Variants in DLG1 observed in about 807,000 individuals in gnomAD.
DLG1 encodes the protein disks large homolog 1.
A neutral mutation model predicts 123.4 loss-of-function variants in DLG1; 42 were observed. The ratio of observed to expected loss-of-function variants is 0.34; its 90% CI spans 0.27 to 0.44. The LOEUF (loss-of-function observed/expected upper bound fraction) is 0.44. Ranked by LOEUF, DLG1 falls within the 20% of genes least tolerant of loss-of-function variation. The pLI is 1.00. For synonymous variants in DLG1, 317 were observed against 356.2 expected, an observed-to-expected ratio of 0.89 and a Z score of 1.24; for missense variants, 942 against 1,082.6, an observed-to-expected ratio of 0.87 and a Z score of 1.82.
intron 4 of DLG1, among the ~76,000 whole-genome samples, chr3:197,262,370 C>T (rs1173721712): frequency 6.6e-6 from 1 of 152,218 alleles, no homozygotes; most frequent in South Asian, 2.1e-4. Context: ...GAAGCTCCTG[C>T]ACTTGGGACC....
At chr3:197,122,835 C>T (rs62281746) in intron 11 of DLG1, among the ~76,000 whole-genome samples, 17,123 of 151,922 alleles carry the variant, frequency 0.11, 1,334 homozygotes, top group South Asian at 0.33. Context: ...CTTCCTAAAC[C>T]GATCTGTAAT....
At chr3:197,252,622 T>C (rs1754995532) in intron 4 of DLG1, among the ~76,000 whole-genome samples, 1 of 152,196 alleles carries the variant, frequency 6.6e-6, no homozygotes, top group Non-Finnish European at 1.5e-5. Flanking sequence ...CTGATGACTA[T>C]GGAACTTCAG....
intron 4 of DLG1, among the ~76,000 whole-genome samples, chr3:197,279,763 C>T (rs959541066): frequency 1.3e-5 from 2 of 152,166 alleles, no homozygotes; most frequent in Non-Finnish European, 2.9e-5. Context: ...ATTCAATGCA[C>T]TACTGATCTT....
chr3:197,291,019 C>T (rs942343202), intron 3 of DLG1, among the ~76,000 whole-genome samples: 1 of 151,798 alleles, frequency 6.6e-6, no homozygotes, highest in Non-Finnish European at 1.5e-5. Context: ...CTGGATTCTG[C>T]ACTGAGGAAA....
intron 14 of DLG1, 23 bp downstream of exon 14, chr3:197,104,880 A>G (rs1765522258): frequency 6.7e-7 from 1 of 1,495,368 alleles, no homozygotes; most frequent in Admixed American, 1.7e-5. Flanking sequence ...AGCAATAACT[A>G]TAGACAATAA....
intron 10 of DLG1, among the ~76,000 whole-genome samples, chr3:197,136,039 T>G (rs1477686552): frequency 1.3e-5 from 2 of 152,242 alleles, no homozygotes; most frequent in African/African-American, 4.8e-5. Flanking sequence ...CTTAAACTCC[T>G]GGGCTCAAGC....
In DLG1 at chr3:197,090,999, T is replaced by A; in HGVS notation, c.1574A>T (p.His525Leu). The A allele has an allele frequency of 6.2e-7, 1 of 1,612,102 alleles. No individual in the cohort carries two copies. Residue 525 changes from histidine (H) to leucine (L), a missense_variant, in exon 15 of 25, where the codon CAT becomes CTT. Physicochemically the swap from His to Leu is moderately conservative, Grantham distance 99. Coordinates refer to ENST00000667157, the MANE Select transcript of DLG1 (RefSeq NM_001366207.1). ...ATTCATCATCTGCTCCCGTAAATCATGTATTTTAGCTTCAAAACGACTGTA... is the reference window on the plus strand; with the variant it reads ...ATTCATCATCTGCTCCCGTAAATCAAGTATTTTAGCTTCAAAACGACTGTA... ...EEYSRFEAKI[H>L]DLREQMMNSS...
At chr3:197,172,256 T>C (rs77636454) in intron 5 of DLG1, among the ~76,000 whole-genome samples, 6,304 of 152,248 alleles carry the variant, frequency 0.041, 179 homozygotes, top group Non-Finnish European at 0.054. Context: ...CACTGCCAGT[T>C]GTACAGAAGT....
At chr3:197,151,643 A>G (rs940175657) in intron 5 of DLG1, among the ~76,000 whole-genome samples, 6 of 152,226 alleles carry the variant, frequency 3.9e-5, no homozygotes, top group Non-Finnish European at 8.8e-5. Context: ...GAAATTTTGC[A>G]TAATAAAAAG....
Position 197,115,918 on chromosome 3 carries a change from G to A in DLG1, c.1443+9C>T, listed in dbSNP as rs1350785519. ...TAACAAAAACGTGATCTTGACTAACGTGTCTTACCGATATAATACGATCTC... is the reference window on the plus strand; with the variant it reads ...TAACAAAAACGTGATCTTGACTAACATGTCTTACCGATATAATACGATCTC... On this transcript the variant is annotated intron_variant, in intron 13 of 24. Transcript: ENST00000667157. 11 of 1,606,820 alleles carry A rather than the reference G, an allele frequency of 6.8e-6. No individual in the cohort carries two copies. Among genetic ancestry groups the A allele is most frequent in the South Asian group, 2.3e-5 (2 of 88,644 alleles).
chr3:197,274,706 A>C (rs1043297579), intron 4 of DLG1, among the ~76,000 whole-genome samples: 3 of 152,256 alleles, frequency 2.0e-5, no homozygotes, highest in African/African-American at 7.2e-5. Context: ...GAATGGGAGA[A>C]AATATCTGCA....
intron 4 of DLG1, among the ~76,000 whole-genome samples, chr3:197,222,534 C>T (rs1737679211): frequency 6.6e-6 from 1 of 152,086 alleles, no homozygotes; most frequent in Non-Finnish European, 1.5e-5. Flanking sequence ...GATAGGTCTT[C>T]TCGTTTTCCA....
At chr3:197,263,786 C>T (rs1009822933) in intron 4 of DLG1, among the ~76,000 whole-genome samples, 3 of 151,884 alleles carry the variant, frequency 2.0e-5, no homozygotes, top group Non-Finnish European at 4.4e-5. Context: ...GACTCCATCT[C>T]AAAAGAAAAA....
chr3:197,047,998 T>C (rs1264047699), intron 24 of DLG1, among the ~76,000 whole-genome samples: 4 of 152,122 alleles, frequency 2.6e-5, no homozygotes, highest in Admixed American at 1.3e-4. Context: ...TTTCCAAACA[T>C]GCAATTGGTA....
intron 4 of DLG1, among the ~76,000 whole-genome samples, chr3:197,244,435 A>G (rs1750578959): frequency 6.6e-6 from 1 of 152,098 alleles, no homozygotes; most frequent in Admixed American, 6.5e-5. Context: ...AATCCATTTC[A>G]GCCAGGCATT....
chr3:197,147,436 A>G (rs1461087722), intron 6 of DLG1, among the ~76,000 whole-genome samples: 1,150 of 31,224 alleles, frequency 0.037, 11 homozygotes, highest in African/African-American at 0.13. Flanking sequence ...TGGTGTGCAC[A>G]CACACACACA....
chr3:197,070,422 T>G (rs1306755845), intron 18 of DLG1: 1 of 147,738 alleles, frequency 6.8e-6, no homozygotes, highest in Non-Finnish European at 1.5e-5. Context: ...AAAATTTTGT[T>G]TTTTTTTTTT....
At chr3:197,242,292 T>C (rs766049682) in intron 4 of DLG1, among the ~76,000 whole-genome samples, 2 of 151,742 alleles carry the variant, frequency 1.3e-5, no homozygotes, top group Non-Finnish European at 2.9e-5. Context: ...CAAGTATATA[T>C]AAAAAAATTA....
chr3:197,162,178 TG>T (rs1272651051), intron 5 of DLG1, among the ~76,000 whole-genome samples: 7 of 152,258 alleles, frequency 4.6e-5, no homozygotes, highest in African/African-American at 1.7e-4. Context: ...TACAAATCCG[TG>T]ATACTAACTT....
Sources: gnomAD v4.1 joint callset for allele counts (sites outside exome capture counted in the v4.1 genomes callset) on GRCh38, gnomAD v4.1.1 for gene constraint, MANE v1.5 for transcripts, NCBI Gene and HGNC (gene_info 2026-07-23, HGNC 2026-07-21) for gene names.